CTNNA3: variants seen among roughly 807,000 people sequenced by gnomAD.
The protein encoded by CTNNA3 is catenin alpha 3, also known as catenin alpha-3.
CTNNA3 carries 76 observed loss-of-function variants against 95.7 expected under a neutral mutation model. That is an observed-to-expected ratio of 0.79 (90% confidence interval 0.66 to 0.96). The LOEUF (loss-of-function observed/expected upper bound fraction) is 0.96. Among genes scored for constraint, CTNNA3 ranks in the 40% least tolerant of loss-of-function variants. CTNNA3 has a pLI of 0.00. For missense variants in CTNNA3, 1,191 were observed against 1,089.8 expected (o/e 1.09, Z -1.31); for synonymous variants, 431 against 374.4 (o/e 1.15, Z -1.74).
chr10:66,612,746 T>G (rs1844370970), intron 10 of CTNNA3, among the ~76,000 whole-genome samples: 1 of 152,080 alleles, frequency 6.6e-6, no homozygotes. Flanking sequence ...TTTTTCAATT[T>G]CTATTACATG....
intron 15 of CTNNA3, among the ~76,000 whole-genome samples, chr10:66,008,022 G>C (rs758846839): frequency 6.6e-6 from 1 of 151,932 alleles, no homozygotes; most frequent in East Asian, 1.9e-4. Flanking sequence ...AGGCCTCAAC[G>C]TTTTCCCCAA....
intron 11 of CTNNA3, among the ~76,000 whole-genome samples, chr10:66,517,056 A>G (rs1215198648): frequency 6.6e-6 from 1 of 152,050 alleles, no homozygotes; most frequent in Non-Finnish European, 1.5e-5. Flanking sequence ...CTCCATCTCT[A>G]CTAAAAATCA....
intron 7 of CTNNA3, among the ~76,000 whole-genome samples, chr10:67,149,047 T>C (rs1860969032): frequency 1.3e-5 from 2 of 152,216 alleles, no homozygotes; most frequent in Non-Finnish European, 1.5e-5. Context: ...ACTCAGGTAA[T>C]GTGAAAGGCA....
intron 7 of CTNNA3, among the ~76,000 whole-genome samples, chr10:67,008,491 C>G (rs1852136004): frequency 6.6e-6 from 1 of 151,982 alleles, no homozygotes; most frequent in South Asian, 2.1e-4. Context: ...TACAGGGTGG[C>G]TATTCAATTT....
intron 13 of CTNNA3, among the ~76,000 whole-genome samples, chr10:66,174,620 G>A (rs930508624): frequency 1.3e-5 from 2 of 151,916 alleles, no homozygotes; most frequent in East Asian, 1.9e-4. Context: ...CGAAAATAGA[G>A]TATTTGCAGG....
chr10:67,560,328 A>G (rs1841458613), intron 3 of CTNNA3, among the ~76,000 whole-genome samples: 1 of 151,486 alleles, frequency 6.6e-6, no homozygotes, highest in Admixed American at 6.6e-5. Context: ...GTGGGGGCCA[A>G]TATTCAACAT....
chr10:66,153,848 TACACACACACACACAC>T (rs148457020), intron 13 of CTNNA3, among the ~76,000 whole-genome samples: 6 of 148,948 alleles, frequency 4.0e-5, no homozygotes, highest in African/African-American at 1.5e-4. Context: ...ATAATTTGTT[TACACACACACACACAC>T]ACACACACAC....
At chr10:67,156,268 T>C (rs1861306095) in intron 7 of CTNNA3, among the ~76,000 whole-genome samples, 1 of 152,052 alleles carries the variant, frequency 6.6e-6, no homozygotes, top group African/African-American at 2.4e-5. Context: ...TATTTTTCTA[T>C]GTTCTCTTGT....
intron 12 of CTNNA3, among the ~76,000 whole-genome samples, chr10:66,329,569 T>C (rs1164303589): frequency 2.0e-5 from 1 of 49,370 alleles, no homozygotes; most frequent in Non-Finnish European, 4.6e-5. Flanking sequence ...GGCTTGAACA[T>C]GTTTCAGGGA....
chr10:66,099,120 G>C (rs1327227748), intron 14 of CTNNA3, among the ~76,000 whole-genome samples: 1 of 152,178 alleles, frequency 6.6e-6, no homozygotes, highest in African/African-American at 2.4e-5. Context: ...CAATACAGCA[G>C]AGTCTGCATG....
At chr10:66,010,867 G>T (rs2078992587) in intron 15 of CTNNA3, among the ~76,000 whole-genome samples, 1 of 152,122 alleles carries the variant, frequency 6.6e-6, no homozygotes, top group South Asian at 2.1e-4. Flanking sequence ...ACCAGAAGGT[G>T]GTCTTCTACT....
intron 10 of CTNNA3, among the ~76,000 whole-genome samples, chr10:66,618,142 A>G (rs1844594405): frequency 6.6e-6 from 1 of 152,136 alleles, no homozygotes; most frequent in African/African-American, 2.4e-5. Context: ...TGCCCAAGGT[A>G]ATTTATAGAT....
chr10:67,761,604 C>A (rs1165932473), intron 1 of CTNNA3, among the ~76,000 whole-genome samples: 1 of 152,076 alleles, frequency 6.6e-6, no homozygotes, highest in African/African-American at 2.4e-5. Context: ...ACGAGCCGGG[C>A]GCGGTGGTTC....
chr10:67,107,058 A>G (rs1008782538), intron 7 of CTNNA3, among the ~76,000 whole-genome samples: 26 of 152,232 alleles, frequency 1.7e-4, no homozygotes, highest in African/African-American at 5.5e-4. Context: ...GGCAAAAGTG[A>G]TAAATGACAT....
chr10:67,141,928 T>G (rs1314123595), intron 7 of CTNNA3, among the ~76,000 whole-genome samples: 1 of 152,160 alleles, frequency 6.6e-6, no homozygotes, highest in Non-Finnish European at 1.5e-5. Context: ...AATAAACAGC[T>G]GCATAGTTGT....
intron 17 of CTNNA3, among the ~76,000 whole-genome samples, chr10:65,932,586 G>A (rs924131033): frequency 1.1e-4 from 17 of 152,072 alleles, no homozygotes. Context: ...ATTCCAAATC[G>A]CCGTAACTCC....
intron 5 of CTNNA3, among the ~76,000 whole-genome samples, chr10:67,472,108 A>C (rs1007548567): frequency 6.6e-6 from 1 of 152,208 alleles, no homozygotes; most frequent in African/African-American, 2.4e-5. Flanking sequence ...GCAATGTGGC[A>C]AATGTGTAAG....
chr10:67,743,388 C>G (rs1841354260), intron 1 of CTNNA3, among the ~76,000 whole-genome samples: 1 of 151,152 alleles, frequency 6.6e-6, no homozygotes, highest in Non-Finnish European at 1.5e-5. Context: ...TAAACAGAAC[C>G]AAAGACAAAA....
At chr10:67,668,495 T>C (rs891778494) in intron 1 of CTNNA3, among the ~76,000 whole-genome samples, 1 of 152,180 alleles carries the variant, frequency 6.6e-6, no homozygotes, top group African/African-American at 2.4e-5. Flanking sequence ...ATAATAATTA[T>C]AAAATAGAGC....
Sources: allele counts gnomAD v4.1 joint callset (sites outside exome capture counted in the v4.1 genomes callset), GRCh38; gene constraint gnomAD v4.1.1; transcripts MANE v1.5; gene names NCBI Gene and HGNC (gene_info 2026-07-23, HGNC 2026-07-21).